The following SLC38A9 variants were observed in gnomAD, a reference collection of about 807,000 sequenced individuals.
SLC38A9 encodes solute carrier family 38 member 9, also known as neutral amino acid transporter 9.
A neutral mutation model predicts 62.3 loss-of-function variants in SLC38A9; 48 were observed. The observed-to-expected ratio is 0.77, with a 90% CI of 0.61 to 0.98. The LOEUF is 0.98. Among genes scored for constraint, SLC38A9 ranks in the 50% least tolerant of loss-of-function variants. SLC38A9 has a pLI of 0.00. For missense variants in SLC38A9, 541 were observed against 679.8 expected, an observed-to-expected ratio of 0.80 and a Z score of 2.27; for synonymous variants, 204 against 227.7, an observed-to-expected ratio of 0.90 and a Z score of 0.94.
chr5:55,652,656 G>A lies in SLC38A9; in HGVS notation c.825C>T (p.Asp275=). The part of the protein sequence containing the change: ...DNSSMIFYAN[D]TGAQQFEKWW... ...ACTTTTCAAACTGTTGGGCTCCTGT[G>A]TCATTGGCATAGAAAATCATAGAGC... The change falls in exon 10 of 16, where the codon GAC becomes GAT. Residue 275 remains aspartate (D), a synonymous_variant. Coordinates refer to ENST00000396865, the MANE Select transcript of SLC38A9 (RefSeq NM_173514.4). 6.2e-7 allele frequency: 1 copy of A among 1,613,682 alleles called. No individual in the cohort carries two copies. Among genetic ancestry groups the A allele is most frequent in the Non-Finnish European group, 8.5e-7 (1 of 1,179,700 alleles).
At chr5:55,667,669 T>C (rs1013752209) in intron 7 of SLC38A9, among the ~76,000 whole-genome samples, 12 of 152,100 alleles carry the variant, frequency 7.9e-5, no homozygotes, top group African/African-American at 2.9e-4. Flanking sequence ...AGGCTTTGTG[T>C]TAGGGGTGTG....
chr5:55,706,027 C>T (rs1757247834), intron 2 of SLC38A9, among the ~76,000 whole-genome samples: 1 of 152,272 alleles, frequency 6.6e-6, no homozygotes, highest in Non-Finnish European at 1.5e-5. Context: ...CTCTTTAAGA[C>T]ATAATCAGGG....
chr5:55,697,399 T>C (rs3843454), intron 3 of SLC38A9, among the ~76,000 whole-genome samples: 91,143 of 151,986 alleles, frequency 0.6, 27,910 homozygotes, highest in South Asian at 0.7. Context: ...ATAATTTTTT[T>C]GTGGATTCTT....
At chr5:55,635,435 A>T (rs1744202176) in intron 13 of SLC38A9, 109 bp downstream of exon 13, 6 of 791,414 alleles carry the variant, frequency 7.6e-6, no homozygotes, top group Non-Finnish European at 1.3e-5. Context: ...CAGAGATGGT[A>T]TTAAAACCCA....
At chr5:55,661,094 T>G (rs1030528215) in intron 8 of SLC38A9, among the ~76,000 whole-genome samples, 1 of 108,386 alleles carries the variant, frequency 9.2e-6, no homozygotes, top group Non-Finnish European at 2.1e-5. Flanking sequence ...CTTAAAATTT[T>G]TTTTAAAGAC....
At chr5:55,633,679 C>G (rs528332920) in intron 14 of SLC38A9, 75 bp downstream of exon 14, 1 of 1,593,894 alleles carries the variant, frequency 6.3e-7, no homozygotes, top group South Asian at 1.1e-5. Flanking sequence ...AAGGATCAGT[C>G]ACACTTTAAA....
intron 10 of SLC38A9, among the ~76,000 whole-genome samples, chr5:55,650,877 C>T (rs1250848324): frequency 3.3e-5 from 5 of 152,150 alleles, no homozygotes; most frequent in African/African-American, 9.7e-5. Flanking sequence ...CTGCAACCTC[C>T]GCCTCCTGGG....
chr5:55,635,288 C>A, intron 13 of SLC38A9: 1 of 509,364 alleles, frequency 2.0e-6, no homozygotes, highest in Non-Finnish European at 3.5e-6. Context: ...CCACAAGGTG[C>A]CTGGCATGTA....
intron 12 of SLC38A9, among the ~76,000 whole-genome samples, chr5:55,642,211 A>G (rs893153446): frequency 2.0e-5 from 3 of 152,142 alleles, no homozygotes; most frequent in Non-Finnish European, 2.9e-5. Flanking sequence ...ACACCCGGCT[A>G]ATTTTTTGTA....
At chr5:55,627,098 A>G (rs1213640994) in intron 15 of SLC38A9, among the ~76,000 whole-genome samples, 2 of 152,190 alleles carry the variant, frequency 1.3e-5, no homozygotes, top group Non-Finnish European at 2.9e-5. Context: ...GAAAGATAAT[A>G]ACAAAAATAC....
At chr5:55,652,818 T>G in intron 9 of SLC38A9, 95 bp from the exon 10 acceptor site, 6 of 990,560 alleles carry the variant, frequency 6.1e-6, no homozygotes, top group Non-Finnish European at 8.7e-6. Context: ...GACAGACACT[T>G]GCTCTACCAA....
At chr5:55,649,764 G>A (rs1461055460) in intron 10 of SLC38A9, among the ~76,000 whole-genome samples, 1 of 152,156 alleles carries the variant, frequency 6.6e-6, no homozygotes, top group Non-Finnish European at 1.5e-5. Flanking sequence ...AGAGTTTGCA[G>A]TGAGCCAAGA....
intron 12 of SLC38A9, among the ~76,000 whole-genome samples, chr5:55,642,692 C>T (rs978399971): frequency 2.6e-5 from 4 of 152,076 alleles, no homozygotes; most frequent in Non-Finnish European, 4.4e-5. Context: ...ATCATGTTAA[C>T]ATCACAACCC....
At chr5:55,628,160 G>A (rs1363790266) in intron 14 of SLC38A9, among the ~76,000 whole-genome samples, 180 bp from the exon 15 acceptor site, 1 of 152,134 alleles carries the variant, frequency 6.6e-6, no homozygotes, top group African/African-American at 2.4e-5. Context: ...ACGAGAAAGT[G>A]AAATTAGCTC....
intron 3 of SLC38A9, among the ~76,000 whole-genome samples, chr5:55,685,323 C>T (rs915216473): frequency 1.3e-5 from 2 of 152,080 alleles, no homozygotes; most frequent in Non-Finnish European, 2.9e-5. Context: ...ATGGCTTTAC[C>T]GAATCTAGAA....
intron 2 of SLC38A9, among the ~76,000 whole-genome samples, chr5:55,706,089 C>T (rs55833569): frequency 1.1e-4 from 17 of 152,236 alleles, no homozygotes; most frequent in South Asian, 2.1e-4. Context: ...CATTAAACAC[C>T]ATGAATCTGT....
intron 12 of SLC38A9, among the ~76,000 whole-genome samples, chr5:55,641,321 T>C (rs754677470): frequency 9.2e-5 from 14 of 152,344 alleles, no homozygotes; most frequent in Admixed American, 3.9e-4. Flanking sequence ...CCTTTATCCT[T>C]ACTGTGCACC....
At chr5:55,686,817 T>C (rs1274923290) in intron 3 of SLC38A9, among the ~76,000 whole-genome samples, 1 of 152,196 alleles carries the variant, frequency 6.6e-6, no homozygotes, top group Non-Finnish European at 1.5e-5. Flanking sequence ...AAAGGTCCAG[T>C]TTCAATTTTC....
intron 11 of SLC38A9, among the ~76,000 whole-genome samples, chr5:55,648,029 C>T (rs1014784768): frequency 6.6e-6 from 1 of 152,016 alleles, no homozygotes; most frequent in Non-Finnish European, 1.5e-5. Flanking sequence ...CACCTGAGGT[C>T]AGGAGTTTGA....
Sources: allele counts gnomAD v4.1 joint callset (sites outside exome capture counted in the v4.1 genomes callset), GRCh38; gene constraint gnomAD v4.1.1; transcripts MANE v1.5; gene names NCBI Gene and HGNC (gene_info 2026-07-23, HGNC 2026-07-21).